The following ARHGEF26 variants were observed in gnomAD, a reference collection of about 807,000 sequenced individuals.
ARHGEF26 encodes Rho guanine nucleotide exchange factor (GEF) 26.
ARHGEF26 carries 59 observed loss-of-function variants against 89.4 expected under a neutral mutation model. That is an observed-to-expected ratio of 0.66 (90% confidence interval 0.54 to 0.82). The LOEUF is 0.82. Among genes scored for constraint, ARHGEF26 ranks in the 40% least tolerant of loss-of-function variants. The pLI, the probability that ARHGEF26 is intolerant of heterozygous loss-of-function variation, is 0.00. For synonymous variants in ARHGEF26, 500 were observed against 428.4 expected (o/e 1.17, Z -2.06); for missense variants, 1,234 against 1,085.6 (o/e 1.14, Z -1.92).
intron 6 of ARHGEF26, among the ~76,000 whole-genome samples, chr3:154,166,226 A>G (rs1712019701): frequency 1.3e-5 from 2 of 151,800 alleles, no homozygotes; most frequent in African/African-American, 4.8e-5. Context: ...AATTTTTTGT[A>G]TTTTTAGTAG....
intron 9 of ARHGEF26, among the ~76,000 whole-genome samples, chr3:154,201,704 T>C (rs1487424624): frequency 7.2e-5 from 11 of 151,972 alleles, no homozygotes; most frequent in African/African-American, 2.7e-4. Context: ...TTCTAACTGG[T>C]GTGAGATGGT....
At chr3:154,129,405 T>C (rs1718538249) in intron 3 of ARHGEF26, among the ~76,000 whole-genome samples, 169 bp from the exon 4 acceptor site, 1 of 152,206 alleles carries the variant, frequency 6.6e-6, no homozygotes, top group South Asian at 2.1e-4. Flanking sequence ...GATAGAGCTA[T>C]GTGAATGAGA....
At chr3:154,187,125 C>A in intron 6 of ARHGEF26, 1 of 498,834 alleles carries the variant, frequency 2.0e-6, no homozygotes, top group Non-Finnish European at 2.6e-6. Flanking sequence ...CCCTTCAACT[C>A]ATAATCCACC....
intron 12 of ARHGEF26, among the ~76,000 whole-genome samples, chr3:154,244,237 C>A (rs1001444614): frequency 1.3e-5 from 2 of 152,146 alleles, no homozygotes; most frequent in Non-Finnish European, 2.9e-5. Flanking sequence ...CTAAAGGCCA[C>A]CTGAGGATAT....
intron 4 of ARHGEF26, among the ~76,000 whole-genome samples, chr3:154,141,442 A>T (rs1485859025): frequency 6.6e-6 from 1 of 152,214 alleles, no homozygotes; most frequent in Admixed American, 6.5e-5. Flanking sequence ...ACTCTGCTCC[A>T]GTCAGCTTTG....
At chr3:154,130,465 T>C (rs1011484876) in intron 4 of ARHGEF26, among the ~76,000 whole-genome samples, 1 of 152,164 alleles carries the variant, frequency 6.6e-6, no homozygotes, top group Admixed American at 6.5e-5. Context: ...TAATTTGATA[T>C]AGAAATGTTT....
intron 10 of ARHGEF26, among the ~76,000 whole-genome samples, chr3:154,220,367 T>A (rs897434810): frequency 6.6e-6 from 1 of 152,098 alleles, no homozygotes; most frequent in Non-Finnish European, 1.5e-5. Context: ...GCTAGAAGAC[T>A]ATGGAAAATA....
chr3:154,229,302 C>A (rs1483572527), intron 11 of ARHGEF26, among the ~76,000 whole-genome samples: 2 of 152,200 alleles, frequency 1.3e-5, no homozygotes. Context: ...GCCTCACACT[C>A]CTGGGCTCAG....
intron 6 of ARHGEF26, among the ~76,000 whole-genome samples, chr3:154,153,926 C>G (rs1720173219): frequency 6.6e-6 from 1 of 152,004 alleles, no homozygotes; most frequent in African/African-American, 2.4e-5. Context: ...TTTTTCCTTG[C>G]AATTATTTGT....
chr3:154,144,826 A>G (rs1378962133), intron 4 of ARHGEF26, among the ~76,000 whole-genome samples: 1 of 152,272 alleles, frequency 6.6e-6, no homozygotes, highest in African/African-American at 2.4e-5. Context: ...ACAATAGGAC[A>G]TCAGAGAGAT....
chr3:154,129,706 G>C lies in ARHGEF26; in HGVS notation c.1256G>C (p.Ser419Thr). ...CATAAGCCATTGAGATCCACATGGA[G>C]CCAACTCTCTGCGGTGAGTGTTTAT... ...IHHKPLRSTW[S>T]QLSAVKRKGL... The change falls in exon 4 of 15, where the codon AGC becomes ACC. Residue 419 changes from serine to threonine, a missense_variant. By Grantham distance (58) the Ser-to-Thr change is moderately conservative. Transcript: ENST00000465093. 1 of 1,612,196 alleles carries C rather than the reference G, an allele frequency of 6.2e-7. No homozygotes were observed. Among genetic ancestry groups the C allele is most frequent in the Non-Finnish European group, 8.5e-7 (1 of 1,179,176 alleles).
intron 5 of ARHGEF26, among the ~76,000 whole-genome samples, chr3:154,151,672 C>T (rs1386701876): frequency 6.6e-6 from 1 of 152,136 alleles, no homozygotes; most frequent in Non-Finnish European, 1.5e-5. Context: ...TTAAGTAAGA[C>T]CCAAGTCCCT....
chr3:154,205,018 C>T (rs1393948556), intron 9 of ARHGEF26, among the ~76,000 whole-genome samples: 1 of 152,040 alleles, frequency 6.6e-6, no homozygotes, highest in East Asian at 1.9e-4. Context: ...CTATTAGATC[C>T]ATTTGGTCTA....
chr3:154,174,075 C>G (rs141475032), intron 6 of ARHGEF26, among the ~76,000 whole-genome samples: 2 of 152,298 alleles, frequency 1.3e-5, no homozygotes, highest in South Asian at 2.1e-4. Flanking sequence ...CTCCAGAGCT[C>G]TCTCTACAGG....
chr3:154,172,941 TA>T (rs1712541922), intron 6 of ARHGEF26, among the ~76,000 whole-genome samples: 1 of 152,218 alleles, frequency 6.6e-6, no homozygotes, highest in African/African-American at 2.4e-5. Flanking sequence ...GGCTGTGCTG[TA>T]AAATTGTTGA....
At chr3:154,168,029 A>C (rs779814082) in intron 6 of ARHGEF26, among the ~76,000 whole-genome samples, 3 of 152,204 alleles carry the variant, frequency 2.0e-5, no homozygotes, top group Non-Finnish European at 2.9e-5. Flanking sequence ...TAATTTATTT[A>C]TCTTAGTAAG....
At chr3:154,155,037 T>C (rs984921055) in intron 6 of ARHGEF26, among the ~76,000 whole-genome samples, 1 of 152,036 alleles carries the variant, frequency 6.6e-6, no homozygotes, top group Non-Finnish European at 1.5e-5. Context: ...CCACCAAGAA[T>C]AGATGAATGC....
chr3:154,191,856 G>A (rs1286111646), intron 8 of ARHGEF26, among the ~76,000 whole-genome samples: 1 of 152,192 alleles, frequency 6.6e-6, no homozygotes, highest in Non-Finnish European at 1.5e-5. Flanking sequence ...ACAGGAATGA[G>A]AGTCTCTTCA....
At chr3:154,132,832 C>T (rs1030425726) in intron 4 of ARHGEF26, among the ~76,000 whole-genome samples, 1 of 151,906 alleles carries the variant, frequency 6.6e-6, no homozygotes, top group Non-Finnish European at 1.5e-5. Context: ...ATAAAATCAT[C>T]CTTCCATGCT....
Sources: gnomAD v4.1 joint callset for allele counts (sites outside exome capture counted in the v4.1 genomes callset) on GRCh38, gnomAD v4.1.1 for gene constraint, MANE v1.5 for transcripts, NCBI Gene and HGNC (gene_info 2026-07-23, HGNC 2026-07-21) for gene names.